The following BCAR1 variants were observed in gnomAD, a reference collection of about 807,000 sequenced individuals.
BCAR1 encodes BCAR1 scaffold protein, Cas family member, also known as breast cancer anti-estrogen resistance protein 1.
Under a neutral mutation model 67.6 loss-of-function variants are expected in BCAR1, and 30 were observed. That is an observed-to-expected ratio of 0.44 (90% CI 0.33 to 0.60). BCAR1 has a LOEUF of 0.60. BCAR1 is among the 20% of genes least tolerant of loss of function. The probability of loss-of-function intolerance (pLI) is 0.02; values close to 1 mark genes in which losing one functional copy is unlikely to be tolerated. For synonymous variants in BCAR1, 626 were observed against 556.7 expected (o/e 1.12, Z -1.75); for missense variants, 1,313 against 1,222.3 (o/e 1.07, Z -1.11).
At chr16:75,236,577 C>T (rs1567596091) in intron 4 of BCAR1, 7 of 467,240 alleles carry the variant, frequency 1.5e-5, no homozygotes, top group Non-Finnish European at 2.2e-5. Flanking sequence ...CACATAATTA[C>T]TAGTCCCCCC....
chr16:75,240,084 G>T (rs912832250), intron 2 of BCAR1, among the ~76,000 whole-genome samples: 1 of 152,134 alleles, frequency 6.6e-6, no homozygotes, highest in African/African-American at 2.4e-5. Context: ...TCAGCCATAC[G>T]GGCCACCAGG....
At chr16:75,231,305 A>T (rs2076892136) in intron 6 of BCAR1, among the ~76,000 whole-genome samples, 1 of 152,092 alleles carries the variant, frequency 6.6e-6, no homozygotes, top group South Asian at 2.1e-4. Flanking sequence ...AGCTGGTCTC[A>T]AACTCCTGAC....
At chr16:75,233,385 A>T (rs1345098340) in intron 6 of BCAR1, among the ~76,000 whole-genome samples, 2 of 151,952 alleles carry the variant, frequency 1.3e-5, no homozygotes, top group Non-Finnish European at 2.9e-5. Flanking sequence ...AAAAAAAAAA[A>T]TACTAAGGAA....
intron 2 of BCAR1, among the ~76,000 whole-genome samples, chr16:75,237,758 G>A (rs956622123): frequency 3.3e-4 from 50 of 152,196 alleles, no homozygotes; most frequent in Non-Finnish European, 4.4e-5. Context: ...AAGAGGCCAC[G>A]TCGGAGGCCT....
intron 2 of BCAR1, among the ~76,000 whole-genome samples, chr16:75,240,972 T>A (rs1182574823): frequency 2.0e-5 from 3 of 152,236 alleles, no homozygotes; most frequent in Admixed American, 6.5e-5. Context: ...CCACAGGGCT[T>A]CCAGCCGCAC....
At chr16:75,234,060 C>T (rs1277448012) in intron 5 of BCAR1, 125 bp from the exon 6 acceptor site, 22 of 815,466 alleles carry the variant, frequency 2.7e-5, no homozygotes, top group African/African-American at 5.1e-5. Flanking sequence ...CGCACACACA[C>T]GCACACGTGG....
chr16:75,257,714 C>T (rs1465011405), intron 1 of BCAR1, among the ~76,000 whole-genome samples: 1 of 152,202 alleles, frequency 6.6e-6, no homozygotes, highest in Non-Finnish European at 1.5e-5. Flanking sequence ...GCCTTGACTT[C>T]CCAAAGTGCT....
chr16:75,264,763 C>T (rs2077968745), intron 1 of BCAR1: 1 of 767,924 alleles, frequency 1.3e-6, no homozygotes, highest in Non-Finnish European at 1.7e-6. Flanking sequence ...GCCTGCTTCA[C>T]GGAAAGGATG....
In BCAR1 at chr16:75,235,658, G is replaced by C; in HGVS notation, c.1241C>G (p.Pro414Arg). Reference protein sequence around the residue: ...VVDSGVYAVPPPAEREAPAEG... With the variant: ...VVDSGVYAVPRPAEREAPAEG... ...TGCCGGGGCTTCACGTTCAGCTGGG[G>C]GAGGCACCGCATACACACCACTGTC... The change falls in exon 5 of 7, where the codon CCC becomes CGC. Residue 414 changes from proline to arginine, a missense_variant. By Grantham distance (103) the Pro-to-Arg change is moderately radical. Transcript: ENST00000162330. 12 of 1,610,580 alleles carry C rather than the reference G, an allele frequency of 7.5e-6. No homozygotes were observed. The highest frequency in any genetic ancestry group is 9.3e-6 in the Non-Finnish European group (11 of 1,178,104).
At chr16:75,247,924 T>A in intron 1 of BCAR1, 2 of 753,706 alleles carry the variant, frequency 2.7e-6, no homozygotes, top group Non-Finnish European at 4.7e-6. Flanking sequence ...AAATGGGTAA[T>A]AGTGCCACAC....
chr16:75,237,075 C>T (rs980946497), intron 3 of BCAR1, 77 bp from the exon 4 acceptor site: 10 of 1,521,814 alleles, frequency 6.6e-6, no homozygotes, highest in African/African-American at 4.2e-5. Flanking sequence ...CCCGCAGCAC[C>T]GTCCCCAGGC....
chr16:75,230,236 T>G (rs188830975), intron 6 of BCAR1, among the ~76,000 whole-genome samples: 261 of 152,204 alleles, frequency 1.7e-3, no homozygotes, highest in African/African-American at 6.0e-3. Flanking sequence ...TCCACCAGTC[T>G]CAAAAGGTCA....
chr16:75,239,643 G>A (rs1373512088), intron 2 of BCAR1, among the ~76,000 whole-genome samples: 1 of 152,196 alleles, frequency 6.6e-6, no homozygotes, highest in African/African-American at 2.4e-5. Flanking sequence ...CAATCCAGGA[G>A]CCTCGTTTCC....
chr16:75,238,605 C>T (rs1036876586), intron 2 of BCAR1: 3 of 988,562 alleles, frequency 3.0e-6, no homozygotes, highest in African/African-American at 1.7e-5. Context: ...CCCCCCGCAG[C>T]GCAGCAGAAC....
intron 2 of BCAR1, among the ~76,000 whole-genome samples, chr16:75,239,438 G>T (rs1215537510): frequency 6.6e-6 from 1 of 152,128 alleles, no homozygotes; most frequent in Non-Finnish European, 1.5e-5. Flanking sequence ...CTACTATCAG[G>T]CATCAAGCGG....
rs970155054 is a variant in BCAR1 at position 75,251,289 on chromosome 16, G to A, written c.12+182C>T. ...GCACCCGAGGCGCACAGGCTCCGGA[G>A]CCCCCGCGGTTCCTGCCTCCCGGCT... On this transcript the variant is annotated intron_variant, in intron 1 of 6. Coordinates refer to ENST00000162330, the MANE Select transcript of BCAR1 (RefSeq NM_014567.5). Among the ~76,000 whole-genome samples, 16 of 151,834 alleles carry A rather than the reference G, an allele frequency of 1.1e-4. No individual in the cohort carries two copies. The South Asian group carries it at 3.1e-3, about 30-fold the overall frequency.
chr16:75,237,494 C>G (rs1052919405), intron 2 of BCAR1, 150 bp from the exon 3 acceptor site: 1 of 948,262 alleles, frequency 1.1e-6, no homozygotes, highest in African/African-American at 1.7e-5. Context: ...TTCTCACCCC[C>G]TCTGCACCAT....
intron 1 of BCAR1, chr16:75,264,515 C>G (rs908898227): frequency 7.1e-7 from 1 of 1,417,898 alleles, no homozygotes; most frequent in Non-Finnish European, 9.2e-7. Context: ...TGTCTTCCTT[C>G]TTTCTGAAGA....
intron 1 of BCAR1, among the ~76,000 whole-genome samples, chr16:75,257,019 G>T (rs892625542): frequency 2.6e-5 from 4 of 152,204 alleles, no homozygotes; most frequent in Non-Finnish European, 5.9e-5. Flanking sequence ...CCTGGGGGAG[G>T]GGGAAGAGAG....
Sources: gnomAD v4.1 joint callset for allele counts (sites outside exome capture counted in the v4.1 genomes callset) on GRCh38, gnomAD v4.1.1 for gene constraint, MANE v1.5 for transcripts, NCBI Gene and HGNC (gene_info 2026-07-23, HGNC 2026-07-21) for gene names.